The following SHB variants were observed in gnomAD, a reference collection of about 807,000 sequenced individuals.
SHB encodes SH2 domain-containing adapter protein B.
A neutral mutation model predicts 52.3 loss-of-function variants in SHB; 20 were observed. The observed-to-expected ratio is 0.38, with a 90% CI of 0.27 to 0.56. The LOEUF (loss-of-function observed/expected upper bound fraction) is 0.56. SHB is among the 20% of genes least tolerant of loss of function. The pLI, the probability that SHB is intolerant of heterozygous loss-of-function variation, is 0.71. For missense variants in SHB, 825 were observed against 723.3 expected (o/e 1.14, Z -1.61); for synonymous variants, 397 against 316.5 (o/e 1.25, Z -2.70).
chr9:37,956,147 G>A (rs1021226582), intron 3 of SHB, 93 bp from the exon 4 acceptor site: 9 of 1,190,396 alleles, frequency 7.6e-6, no homozygotes, highest in Non-Finnish European at 1.1e-5. Flanking sequence ...TGGTCTAGTT[G>A]GCAATTTACA....
At chr9:38,054,285 G>A (rs1821785195) in intron 1 of SHB, among the ~76,000 whole-genome samples, 2 of 152,210 alleles carry the variant, frequency 1.3e-5, no homozygotes, top group Non-Finnish European at 2.9e-5. Context: ...CCAAGAAGCA[G>A]GACAGGGAAT....
chr9:37,993,046 G>A (rs188737315), intron 2 of SHB, among the ~76,000 whole-genome samples: 6 of 152,278 alleles, frequency 3.9e-5, no homozygotes, highest in East Asian at 1.9e-4. Flanking sequence ...AGGAGTTAGC[G>A]GCAGGCGAGG....
intron 1 of SHB, among the ~76,000 whole-genome samples, chr9:38,023,757 C>G (rs935122013): frequency 6.6e-6 from 1 of 152,196 alleles, no homozygotes; most frequent in Non-Finnish European, 1.5e-5. Context: ...GCACTTCCGC[C>G]TGTGTGCTGG....
Position 37,958,361 on chromosome 9 carries a change from C to T in SHB, c.1055-2307G>A, listed in dbSNP as rs117106334. 5.0e-3 allele frequency among the ~76,000 whole-genome samples: 763 copies of T among 152,292 alleles called. 6 individuals are homozygous for T. Among genetic ancestry groups the T allele is most frequent in the Middle Eastern group, 0.014 (4 of 294 alleles). On this transcript the variant is annotated intron_variant, in intron 3 of 5. Transcript: ENST00000377707. ...GTGCAGCATCAGAGAAGGACGACTACTGGTGACCACAGGCTGTTGACCTAA... is the reference window on the plus strand; with the variant it reads ...GTGCAGCATCAGAGAAGGACGACTATTGGTGACCACAGGCTGTTGACCTAA...
At chr9:38,023,153 G>A (rs974599338) in intron 1 of SHB, among the ~76,000 whole-genome samples, 5 of 152,196 alleles carry the variant, frequency 3.3e-5, no homozygotes, top group Admixed American at 2.0e-4. Flanking sequence ...AGCTGCCCGA[G>A]GCTATGTAAA....
At chr9:37,956,636 A>G (rs1038317069) in intron 3 of SHB, among the ~76,000 whole-genome samples, 3 of 152,146 alleles carry the variant, frequency 2.0e-5, no homozygotes, top group Non-Finnish European at 2.9e-5. Flanking sequence ...GGGCCATTCC[A>G]CATGCTCTTC....
At chr9:38,023,343 C>G (rs1003323853) in intron 1 of SHB, among the ~76,000 whole-genome samples, 2 of 152,176 alleles carry the variant, frequency 1.3e-5, no homozygotes, top group African/African-American at 4.8e-5. Context: ...TTCTCAGCTT[C>G]ACATAAACGT....
At chr9:37,995,403 C>T (rs1820935985) in intron 2 of SHB, among the ~76,000 whole-genome samples, 1 of 143,300 alleles carries the variant, frequency 7.0e-6, no homozygotes, top group African/African-American at 2.5e-5. Flanking sequence ...GGCCTCTGGG[C>T]CTGATATTCC....
At chr9:38,013,628 A>G (rs1363150454) in intron 2 of SHB, among the ~76,000 whole-genome samples, 1 of 152,216 alleles carries the variant, frequency 6.6e-6, no homozygotes, top group African/African-American at 2.4e-5. Context: ...TTCCTCAGGT[A>G]ATTTCTAGCC....
chr9:37,948,232 GCCACA>G (rs553102836), intron 5 of SHB, among the ~76,000 whole-genome samples: 1 of 152,186 alleles, frequency 6.6e-6, no homozygotes, highest in South Asian at 2.1e-4. Flanking sequence ...ACTTGGGCCA[GCCACA>G]CCCACCTCCG....
At chr9:38,047,888 CAGAT>C (rs1414050302) in intron 1 of SHB, among the ~76,000 whole-genome samples, 1 of 152,218 alleles carries the variant, frequency 6.6e-6, no homozygotes, top group Non-Finnish European at 1.5e-5. Context: ...CGGACACAGA[CAGAT>C]AAAGTCCCGA....
rs1320758116 is a variant in SHB, at chr9:37,974,677, G to A, written c.999C>T (p.Ala333=). The change falls in exon 3 of 6, where the codon GCC becomes GCT. Residue 333 remains alanine, a synonymous_variant. Coordinates refer to ENST00000377707, the MANE Select transcript of SHB (RefSeq NM_003028.3). ...SKLPQDDDRP[A]DEYDQPWEWN... Reference sequence around the variant, plus strand: ...ACTCCCAAGGCTGGTCGTACTCATCGGCGGGCCTGTCGTCATCCTGGGGCA... The same window carrying A: ...ACTCCCAAGGCTGGTCGTACTCATCAGCGGGCCTGTCGTCATCCTGGGGCA... 2.2e-5 allele frequency: 35 copies of A among 1,613,804 alleles called. No individual in the cohort carries two copies. The highest frequency in any genetic ancestry group is 2.0e-4 in the East Asian group (9 of 44,882).
chr9:37,958,734 G>C (rs1832662389), intron 3 of SHB, among the ~76,000 whole-genome samples: 1 of 152,188 alleles, frequency 6.6e-6, no homozygotes, highest in African/African-American at 2.4e-5. Context: ...TGGGGCCCTA[G>C]CACACACATC....
intron 5 of SHB, among the ~76,000 whole-genome samples, chr9:37,941,472 AGCCATTGTCTTCACC>A (rs1167062859): frequency 6.6e-6 from 1 of 152,204 alleles, no homozygotes; most frequent in Non-Finnish European, 1.5e-5. Context: ...CAAGACCCAG[AGCCATTGTCTTCACC>A]GCTGTGCAGA....
intron 5 of SHB, among the ~76,000 whole-genome samples, chr9:37,931,892 A>G (rs926465486): frequency 3.9e-5 from 6 of 152,248 alleles, no homozygotes; most frequent in African/African-American, 1.4e-4. Flanking sequence ...GTATGACAGA[A>G]TACTATTCCG....
chr9:38,014,167 C>T (rs1821180419), intron 2 of SHB, among the ~76,000 whole-genome samples: 1 of 152,284 alleles, frequency 6.6e-6, no homozygotes, highest in East Asian at 1.9e-4. Context: ...CCGCCCCAAC[C>T]TCAGTTTCCC....
chr9:38,022,338 C>T (rs147300591), intron 1 of SHB, among the ~76,000 whole-genome samples: 111 of 152,268 alleles, frequency 7.3e-4, no homozygotes, highest in African/African-American at 2.4e-3. Context: ...AGATGCGACG[C>T]GTCGACTGCA....
At chr9:38,026,735 A>C (rs907101818) in intron 1 of SHB, among the ~76,000 whole-genome samples, 1 of 152,192 alleles carries the variant, frequency 6.6e-6, no homozygotes, top group Non-Finnish European at 1.5e-5. Context: ...CCTGAACCTC[A>C]CAGGCCTGTT....
At chr9:37,991,729 G>A (rs1341875970) in intron 2 of SHB, among the ~76,000 whole-genome samples, 1 of 152,182 alleles carries the variant, frequency 6.6e-6, no homozygotes, top group Non-Finnish European at 1.5e-5. Context: ...AAGTCACAAG[G>A]CAAAGTGATG....
Sources: gnomAD v4.1 joint callset for allele counts (sites outside exome capture counted in the v4.1 genomes callset) on GRCh38, gnomAD v4.1.1 for gene constraint, MANE v1.5 for transcripts, NCBI Gene and HGNC (gene_info 2026-07-23, HGNC 2026-07-21) for gene names.